Variants in ALK observed in about 807,000 individuals in gnomAD.
ALK encodes the protein ALK receptor tyrosine kinase, also known as ALK tyrosine kinase receptor.
ALK carries 74 observed loss-of-function variants against 163.1 expected under a neutral mutation model. That is an observed-to-expected ratio of 0.45 (90% confidence interval 0.38 to 0.55). ALK has a LOEUF of 0.55. ALK is among the 20% of genes least tolerant of loss of function. The pLI is 0.00. For synonymous variants in ALK, 960 were observed against 843.2 expected, an observed-to-expected ratio of 1.14 and a Z score of -2.40; for missense variants, 2,063 against 2,105.3, an observed-to-expected ratio of 0.98 and a Z score of 0.39.
intron 1 of ALK, among the ~76,000 whole-genome samples, chr2:29,721,972 G>A (rs534819726): frequency 8.8e-4 from 134 of 152,286 alleles, no homozygotes; most frequent in African/African-American, 3.1e-3. Flanking sequence ...CCTCAAGGTC[G>A]CCGACGACCC....
intron 3 of ALK, among the ~76,000 whole-genome samples, chr2:29,578,500 G>A (rs1429545726): frequency 6.6e-6 from 1 of 152,210 alleles, no homozygotes; most frequent in Admixed American, 6.5e-5. Flanking sequence ...TTTGAGGATG[G>A]TTATTCCAGT....
chr2:29,669,941 T>G (rs1404278873), intron 3 of ALK, among the ~76,000 whole-genome samples: 2 of 152,092 alleles, frequency 1.3e-5, no homozygotes, highest in Non-Finnish European at 2.9e-5. Flanking sequence ...TTTAGTTGTC[T>G]CAATTTACAA....
intron 5 of ALK, among the ~76,000 whole-genome samples, chr2:29,342,893 T>TC (rs1320230465): frequency 2.1e-5 from 3 of 145,424 alleles, no homozygotes; most frequent in Non-Finnish European, 4.5e-5. Context: ...TTTTTTTTTT[T>TC]TTTTTTTGAT....
intron 12 of ALK, among the ~76,000 whole-genome samples, chr2:29,245,128 GAGCGGTAT>G (rs1196509679): frequency 6.7e-6 from 1 of 148,988 alleles, no homozygotes; most frequent in African/African-American, 2.6e-5. Context: ...CACACAGTTG[GAGCGGTAT>G]GGCTCAGTGC....
intron 3 of ALK, among the ~76,000 whole-genome samples, chr2:29,574,352 G>A (rs913133187): frequency 7.9e-5 from 12 of 152,220 alleles, no homozygotes; most frequent in Admixed American, 5.2e-4. Flanking sequence ...TTTCTAAACC[G>A]AAACGTACAT....
At position 29,214,011 on chromosome 2, in the gene ALK, TACTG is replaced by T. The variant is rs750775950; in HGVS notation, c.3712_3715del (p.Gln1238IlefsTer19). ...GTGGATGAAGTGGTTTTCCTCCAAATACTGACAGCCACAGGCAATGTCCCGAGCC... is the reference window on the plus strand; with the variant it reads ...GTGGATGAAGTGGTTTTCCTCCAAATACAGCCACAGGCAATGTCCCGAGCC... On this transcript the variant is annotated frameshift_variant, in exon 24 of 29. Coordinates refer to ENST00000389048, the MANE Select transcript of ALK (RefSeq NM_004304.5). LOFTEE classifies it high-confidence loss of function. 5.0e-6 allele frequency: 8 copies of T among 1,613,810 alleles called. No homozygotes were observed. Among genetic ancestry groups the T allele is most frequent in the Admixed American group, 1.7e-5 (1 of 60,020 alleles).
intron 1 of ALK, among the ~76,000 whole-genome samples, chr2:29,798,934 C>T (rs886521511): frequency 2.3e-4 from 35 of 152,174 alleles, no homozygotes; most frequent in Admixed American, 1.7e-3. Context: ...CTCTATTCCT[C>T]CTGTGCTTAC....
intron 3 of ALK, among the ~76,000 whole-genome samples, chr2:29,683,532 G>A (rs1317292908): frequency 2.6e-5 from 4 of 152,188 alleles, no homozygotes; most frequent in Non-Finnish European, 5.9e-5. Context: ...GCAGGTTAAA[G>A]GTCCTCACCA....
intron 4 of ALK, among the ~76,000 whole-genome samples, chr2:29,510,803 G>T (rs1048780959): frequency 6.6e-6 from 1 of 152,082 alleles, no homozygotes; most frequent in South Asian, 2.1e-4. Flanking sequence ...AGTTGAGAGA[G>T]GAAGAGAACA....
intron 3 of ALK, among the ~76,000 whole-genome samples, chr2:29,603,624 C>T (rs780339334): frequency 2.6e-5 from 4 of 152,028 alleles, no homozygotes; most frequent in Admixed American, 1.3e-4. Context: ...GCCCCCTTGG[C>T]CAAGGGGAGG....
At chr2:29,375,605 C>T (rs1042880853) in intron 5 of ALK, among the ~76,000 whole-genome samples, 4 of 152,198 alleles carry the variant, frequency 2.6e-5, no homozygotes, top group Non-Finnish European at 5.9e-5. Context: ...GTGTGAGCCA[C>T]TGCGCCTGGC....
At chr2:29,416,032 C>T (rs1669867782) in intron 4 of ALK, among the ~76,000 whole-genome samples, 1 of 152,228 alleles carries the variant, frequency 6.6e-6, no homozygotes, top group Admixed American at 6.5e-5. Context: ...CATTAAACCA[C>T]CAGTTTTCCT....
At chr2:29,419,578 A>T (rs918807562) in intron 4 of ALK, among the ~76,000 whole-genome samples, 4 of 151,488 alleles carry the variant, frequency 2.6e-5, no homozygotes, top group African/African-American at 9.8e-5. Context: ...AATGGAGATC[A>T]GGGGTAGAGG....
intron 4 of ALK, among the ~76,000 whole-genome samples, chr2:29,450,793 AAAAGG>A (rs1463835266): frequency 6.6e-6 from 1 of 152,168 alleles, no homozygotes; most frequent in Non-Finnish European, 1.5e-5. Context: ...TAGAAAGCTG[AAAAGG>A]AAAAGAGGTT....
chr2:29,917,000 C>T (rs1424646826), intron 1 of ALK, among the ~76,000 whole-genome samples: 1 of 152,172 alleles, frequency 6.6e-6, no homozygotes, highest in African/African-American at 2.4e-5. Context: ...CACAGTAACC[C>T]ACAAGGAAAA....
At chr2:29,372,006 G>A (rs1668649703) in intron 5 of ALK, among the ~76,000 whole-genome samples, 1 of 152,204 alleles carries the variant, frequency 6.6e-6, no homozygotes, top group Admixed American at 6.5e-5. Context: ...TTTGCGTGCA[G>A]TTTGCATTGG....
At position 29,225,535 on chromosome 2, in the gene ALK, A is replaced by T. The variant is rs572614173; in HGVS notation, c.3098T>A (p.Leu1033His). The T allele has an allele frequency of 6.6e-5, 106 of 1,612,474 alleles. 3 individuals are homozygous for T. In the South Asian group the frequency reaches 1.1e-3, roughly 17 times the overall value. The change falls in exon 19 of 29, where the codon CTC becomes CAC. Residue 1033 changes from leucine to histidine, a missense_variant. Physicochemically the swap from Leu to His is moderately conservative, Grantham distance 99. Transcript: ENST00000389048. The part of the protein sequence containing the change: ...VSPTPEPHLP[L>H]SLILSVVTSA... ...GGTCACCACAGAGAGGATCAGCGAG[A>T]GTGGCAGGTGTGGCTCCGGGGTGGG...
intron 1 of ALK, among the ~76,000 whole-genome samples, chr2:29,898,297 A>AG (rs1346820934): frequency 6.6e-6 from 1 of 152,238 alleles, no homozygotes; most frequent in East Asian, 1.9e-4. Flanking sequence ...AATAGAAGAA[A>AG]GGGTTTGTTT....
chr2:29,620,313 T>C (rs1381831872), intron 3 of ALK, among the ~76,000 whole-genome samples: 2 of 152,130 alleles, frequency 1.3e-5, no homozygotes, highest in Admixed American at 1.3e-4. Context: ...TTCCCTCACG[T>C]TCACACGGTG....
Sources: gnomAD v4.1 joint callset for allele counts (sites outside exome capture counted in the v4.1 genomes callset) on GRCh38, gnomAD v4.1.1 for gene constraint, MANE v1.5 for transcripts, NCBI Gene and HGNC (gene_info 2026-07-23, HGNC 2026-07-21) for gene names.